The following SASH1 variants were observed in gnomAD, a reference collection of about 807,000 sequenced individuals.
SASH1 encodes SAM and SH3 domain-containing protein 1.
SASH1 carries 44 observed loss-of-function variants against 125.2 expected under a neutral mutation model. That is an observed-to-expected ratio of 0.35 (90% CI 0.28 to 0.45). The LOEUF (loss-of-function observed/expected upper bound fraction) is 0.45, where lower values mean the gene tolerates loss of function less well. Ranked by LOEUF, SASH1 falls within the 20% of genes least tolerant of loss-of-function variation. The pLI, the probability that SASH1 is intolerant of heterozygous loss-of-function variation, is 1.00. For missense variants in SASH1, 1,426 were observed against 1,614.5 expected (o/e 0.88, Z 2.00); for synonymous variants, 639 against 649.1 (o/e 0.98, Z 0.24).
intron 1 of SASH1, among the ~76,000 whole-genome samples, chr6:148,387,079 GTCTCTCTC>G (rs147664687): frequency 1.6e-5 from 2 of 123,398 alleles, no homozygotes; most frequent in East Asian, 2.1e-4. Flanking sequence ...TTCTCCCTCT[GTCTCTCTC>G]TCTCTCTCTC....
intron 1 of SASH1, among the ~76,000 whole-genome samples, chr6:148,375,784 C>T (rs17078283): frequency 0.02 from 3,071 of 152,222 alleles, 157 homozygotes; most frequent in East Asian, 0.15. Context: ...TTCTCTAAAT[C>T]GGATTTTTCC....
chr6:148,433,591 A>T (rs1776155561), intron 2 of SASH1, among the ~76,000 whole-genome samples: 1 of 151,614 alleles, frequency 6.6e-6, no homozygotes, highest in Non-Finnish European at 1.5e-5. Context: ...TTTTCAGTAG[A>T]GACAGGGTTT....
rs111245321 is a variant in SASH1, at chr6:148,519,596, C to T, written c.912C>T (p.Ser304=). The T allele has an allele frequency of 3.7e-6, 6 of 1,614,098 alleles. No individual in the cohort carries two copies. Among genetic ancestry groups the T allele is most frequent in the East Asian group, 2.2e-5 (1 of 44,864 alleles). The change falls in exon 10 of 20, where the codon TCC becomes TCT. Residue 304 remains serine (S), a synonymous_variant. Transcript: ENST00000367467. This position sits in a 1 kb window ranked among gnomAD's most constrained non-coding sequence, Gnocchi z 4.8. ...FENSPVLDER[S]ALYSGVHKKP... is the part of the protein sequence containing the mutation. ...ATTCGCCGGTCCTGGATGAACGGTC[C>T]GCCCTCTACTCTGGCGTGCACAAGA...
chr6:148,395,480 A>G (rs913785441), intron 2 of SASH1, among the ~76,000 whole-genome samples: 7 of 152,212 alleles, frequency 4.6e-5, no homozygotes, highest in Non-Finnish European at 1.0e-4. Context: ...AATGCATTTG[A>G]TAAAGTGTCT....
At chr6:148,277,513 T>C (rs904067965) in intron 1 of SASH1, among the ~76,000 whole-genome samples, 1 of 152,176 alleles carries the variant, frequency 6.6e-6, no homozygotes, top group Non-Finnish European at 1.5e-5. Context: ...CAGCCTCCCA[T>C]ATAACACTGC....
chr6:148,515,350 G>T lies in SASH1; in HGVS notation c.862+894G>T, dbSNP rs1022701765. On this transcript the variant is annotated intron_variant, in intron 9 of 19. Transcript: ENST00000367467. ...ACATGTAGGTTTTAAAATTATTTTT[G>T]TAGAGGCATTTTTGTTATATAGAAA... 1.2e-4 allele frequency among the ~76,000 whole-genome samples: 18 copies of T among 152,136 alleles called. 1 individual carries two copies.
intron 1 of SASH1, among the ~76,000 whole-genome samples, chr6:148,359,913 C>T (rs1782123436): frequency 6.6e-6 from 1 of 152,184 alleles, no homozygotes; most frequent in Non-Finnish European, 1.5e-5. Flanking sequence ...TGCCCGCCAC[C>T]ATGCCTGGCT....
At chr6:148,450,469 G>A (rs1777040095) in intron 4 of SASH1, among the ~76,000 whole-genome samples, 1 of 151,998 alleles carries the variant, frequency 6.6e-6, no homozygotes, top group Non-Finnish European at 1.5e-5. Context: ...CTTCCTTCAA[G>A]TCCTATTTGA....
Position 148,546,088 on chromosome 6 carries a change from T to A in SASH1, c.3422T>A (p.Val1141Asp), listed in dbSNP as rs780905102. The A allele has an allele frequency of 6.2e-7, 1 of 1,614,248 alleles. No individual in the cohort carries two copies. The highest frequency in any genetic ancestry group is 8.5e-7 in the Non-Finnish European group (1 of 1,180,046). Residue 1141 changes from valine to aspartate, a missense_variant, in exon 19 of 20, where the codon GTC (valine) becomes GAC (aspartate). By Grantham distance (152) the Val-to-Asp change is radical. Coordinates refer to ENST00000367467, the MANE Select transcript of SASH1 (RefSeq NM_015278.5). Reference protein sequence around the residue: ...AEDLDQPERDVAANMDQIRVK... With the variant: ...AEDLDQPERDDAANMDQIRVK... ...GACTTGGATCAGCCCGAGCGGGACG[T>A]CGCCGCCAACATGGACCAGATCCGG... is the stretch of plus-strand genomic sequence containing the variant.
At chr6:148,499,099 C>T (rs1297294413) in intron 8 of SASH1, among the ~76,000 whole-genome samples, 1 of 148,230 alleles carries the variant, frequency 6.7e-6, no homozygotes, top group African/African-American at 2.5e-5. Flanking sequence ...ACTCTGTCGC[C>T]CAAGCTGGAG....
upstream of SASH1, among the ~76,000 whole-genome samples, chr6:148,269,612 CAGATTGCATGTTTGATTGCATTGTT>C (rs1779016649): frequency 6.6e-6 from 1 of 152,116 alleles, no homozygotes; most frequent in South Asian, 2.1e-4. Flanking sequence ...ATTTCATTGT[CAGATTGCATGTTTGATTGCATTGTT>C]AGATTGCATG....
At chr6:148,412,361 A>C (rs1274130462) in intron 2 of SASH1, among the ~76,000 whole-genome samples, 1 of 152,206 alleles carries the variant, frequency 6.6e-6, no homozygotes, top group Admixed American at 6.5e-5. Context: ...TGAGAGAATA[A>C]TTATTTAATA....
chr6:148,249,536 A>T, the SASH1 span, among the ~76,000 whole-genome samples: 1 of 152,350 alleles, frequency 6.6e-6, no homozygotes, highest in African/African-American at 2.4e-5. Flanking sequence ...CTAGACAGAT[A>T]GGGGTACGAA....
chr6:148,393,685 T>C, intron 2 of SASH1: 4 of 985,130 alleles, frequency 4.1e-6, no homozygotes, highest in Non-Finnish European at 4.8e-6. Flanking sequence ...TTTGGCGTGC[T>C]CTGTTCCAAA....
chr6:148,437,018 A>G (rs553032765), intron 2 of SASH1, among the ~76,000 whole-genome samples: 1 of 152,310 alleles, frequency 6.6e-6, no homozygotes, highest in African/African-American at 2.4e-5. Context: ...TTCTGTCTAC[A>G]TTGTGACATC....
chr6:148,193,997 CTG>C, the SASH1 span, among the ~76,000 whole-genome samples: 1 of 152,182 alleles, frequency 6.6e-6, no homozygotes, highest in African/African-American at 2.4e-5. Flanking sequence ...TTTTCTTTAA[CTG>C]TACCTCTTTT....
At chr6:148,412,990 G>A (rs1442004205) in intron 2 of SASH1, among the ~76,000 whole-genome samples, 5 of 152,180 alleles carry the variant, frequency 3.3e-5, no homozygotes, top group African/African-American at 4.8e-5. Flanking sequence ...CTGTAAACCT[G>A]TTGTTTGTGT....
At chr6:148,255,307 C>T in the SASH1 span, among the ~76,000 whole-genome samples, 1 of 152,140 alleles carries the variant, frequency 6.6e-6, no homozygotes, top group African/African-American at 2.4e-5. Flanking sequence ...CTCCCTGTGT[C>T]CTCACATGGC....
At chr6:148,478,793 C>T (rs1198205241) in intron 7 of SASH1, 1 of 154,638 alleles carries the variant, frequency 6.5e-6, no homozygotes, top group African/African-American at 2.4e-5. Context: ...ATCTCCTGCG[C>T]CTTCATTCTC....
Sources: allele counts gnomAD v4.1 joint callset (sites outside exome capture counted in the v4.1 genomes callset), GRCh38; gene constraint gnomAD v4.1.1; non-coding constraint Gnocchi (gnomAD v3.1); transcripts MANE v1.5; gene names NCBI Gene and HGNC (gene_info 2026-07-23, HGNC 2026-07-21).